Variants in COL13A1 observed in about 807,000 individuals in gnomAD.
The protein encoded by COL13A1 is collagen type XIII alpha 1 chain.
COL13A1 carries 89 observed loss-of-function variants against 130.9 expected under a neutral mutation model. That is an observed-to-expected ratio of 0.68 (90% CI 0.57 to 0.81). COL13A1 has a LOEUF of 0.81. Ranked by LOEUF, COL13A1 falls within the 30% of genes least tolerant of loss-of-function variation. COL13A1 has a pLI of 0.00. For synonymous variants in COL13A1, 402 were observed against 341.6 expected (o/e 1.18, Z -1.95); for missense variants, 879 against 934.6 (o/e 0.94, Z 0.78).
At chr10:69,835,864 C>T (rs768992720) in intron 2 of COL13A1, among the ~76,000 whole-genome samples, 5 of 152,222 alleles carry the variant, frequency 3.3e-5, no homozygotes, top group Non-Finnish European at 7.3e-5. Context: ...GCTTACTCTG[C>T]GCCTGGCACT....
chr10:69,823,980 T>A (rs1023014997), intron 2 of COL13A1: 2 of 417,534 alleles, frequency 4.8e-6, no homozygotes, highest in African/African-American at 4.1e-5. Flanking sequence ...GTTGCCCTTA[T>A]AACTCTTGGG....
At chr10:69,840,295 C>G (rs191616228) in intron 2 of COL13A1, among the ~76,000 whole-genome samples, 1 of 152,066 alleles carries the variant, frequency 6.6e-6, no homozygotes, top group Non-Finnish European at 1.5e-5. Context: ...GGACAGACAG[C>G]GGCATCGAAG....
At chr10:69,863,139 G>A (rs545919758) in intron 2 of COL13A1, among the ~76,000 whole-genome samples, 3 of 152,268 alleles carry the variant, frequency 2.0e-5, no homozygotes, top group Admixed American at 6.5e-5. Context: ...CGATTCACAC[G>A]TGGACTAGAT....
chr10:69,933,159 A>C (rs919666172), intron 31 of COL13A1, among the ~76,000 whole-genome samples: 15 of 148,130 alleles, frequency 1.0e-4, no homozygotes, highest in African/African-American at 3.1e-4. Context: ...AAAAAAAAAA[A>C]AAAAAAAACA....
intron 2 of COL13A1, among the ~76,000 whole-genome samples, chr10:69,849,943 G>A (rs577098191): frequency 6.8e-4 from 103 of 152,234 alleles, no homozygotes; most frequent in African/African-American, 2.3e-3. Flanking sequence ...GGTCATCCTG[G>A]GCTCCTCTTA....
chr10:69,916,644 C>T (rs3793830), intron 17 of COL13A1, among the ~76,000 whole-genome samples: 69,189 of 151,906 alleles, frequency 0.46, 16,067 homozygotes, highest in Admixed American at 0.58. Context: ...GATGGTAGAG[C>T]GACCCCATGC....
chr10:69,885,054 T>G (rs2060479425), intron 7 of COL13A1, among the ~76,000 whole-genome samples: 1 of 152,186 alleles, frequency 6.6e-6, no homozygotes, highest in African/African-American at 2.4e-5. Flanking sequence ...TGGAATAAAT[T>G]CCAACGAGCG....
chr10:69,904,701 G>A (rs376045026), intron 15 of COL13A1, among the ~76,000 whole-genome samples: 92 of 152,254 alleles, frequency 6.0e-4, no homozygotes, highest in African/African-American at 2.0e-3. Context: ...AATTGCCCGC[G>A]GCCCCCACAT....
intron 2 of COL13A1, chr10:69,824,080 T>G (rs1466951294): frequency 2.1e-6 from 1 of 472,022 alleles, no homozygotes; most frequent in Non-Finnish European, 4.4e-6. Flanking sequence ...GAATTCCATC[T>G]CCAACATGGA....
At chr10:69,875,716 G>A (rs997918286) in intron 5 of COL13A1, among the ~76,000 whole-genome samples, 4 of 152,252 alleles carry the variant, frequency 2.6e-5, no homozygotes, top group Non-Finnish European at 5.9e-5. Context: ...GATAGAGAAG[G>A]GGAGATGAGA....
chr10:69,810,376 G>GAGAGAGAGAGAGAGAGAGAGACAGAGAC (rs1230051691), intron 1 of COL13A1, among the ~76,000 whole-genome samples: 6 of 133,910 alleles, frequency 4.5e-5, no homozygotes, highest in East Asian at 2.3e-4. Flanking sequence ...GAGAGAGAGA[G>GAGAGAGAGAGAGAGAGAGAGACAGAGAC]AGAGACAGAG....
intron 2 of COL13A1, 64 bp downstream of exon 2, chr10:69,822,502 G>T: frequency 1.5e-6 from 2 of 1,295,888 alleles, no homozygotes; most frequent in Non-Finnish European, 2.1e-6. Flanking sequence ...GGCTCTTCCT[G>T]GTGGCCATGC....
Position 69,905,793 on chromosome 10 carries a change from C to T in COL13A1, c.892C>T (p.Pro298Ser). The change falls in exon 17 of 41, where the codon CCA (proline) becomes TCA (serine). Residue 298 changes from proline to serine, a missense_variant. Physicochemically the swap from Pro to Ser is moderately conservative, Grantham distance 74. Coordinates refer to ENST00000645393, the MANE Select transcript of COL13A1 (RefSeq NM_001368882.1). ...CTTCTCTTTGTTTTCCCAGGGAGAC[C>T]CAGGGATCCAGGGCTACCACGGCCG... ...LPGPPGPKGDPGIQGYHGRKG... is the reference protein window; with the variant it reads ...LPGPPGPKGDSGIQGYHGRKG... 9.9e-6 allele frequency: 16 copies of T among 1,613,550 alleles called. No individual in the cohort carries two copies. The highest frequency in any genetic ancestry group is 1.4e-5 in the Non-Finnish European group (16 of 1,179,774).
intron 2 of COL13A1, among the ~76,000 whole-genome samples, chr10:69,854,160 C>G (rs1423573726): frequency 6.6e-6 from 1 of 152,184 alleles, no homozygotes; most frequent in Non-Finnish European, 1.5e-5. Flanking sequence ...GCCCGGGCCT[C>G]AATCTTCAGC....
chr10:69,895,141 G>A lies in COL13A1; in HGVS notation c.658-409G>A, dbSNP rs75206266. On this transcript the variant is annotated intron_variant, in intron 12 of 40. Coordinates refer to ENST00000645393, the MANE Select transcript of COL13A1 (RefSeq NM_001368882.1). ...TGGGCCGCTGGTACAGGGGCCTGGCGCTCCCAGCTCAGAGAAGGTGGCTTG... is the reference window on the plus strand; with the variant it reads ...TGGGCCGCTGGTACAGGGGCCTGGCACTCCCAGCTCAGAGAAGGTGGCTTG... Among the ~76,000 whole-genome samples, 684 of 152,324 alleles carry A rather than the reference G, an allele frequency of 4.5e-3. 7 individuals are homozygous for A. The highest frequency in any genetic ancestry group is 0.015 in the African/African-American group (641 of 41,582).
chr10:69,895,253 A>G (rs1256937035), intron 12 of COL13A1, among the ~76,000 whole-genome samples: 3 of 152,156 alleles, frequency 2.0e-5, no homozygotes, highest in African/African-American at 7.2e-5. Flanking sequence ...ACCTTTCGCC[A>G]GGCATGGGGC....
chr10:69,922,816 T>G, intron 23 of COL13A1, 22 bp downstream of exon 23: 2 of 1,523,778 alleles, frequency 1.3e-6, no homozygotes, highest in Non-Finnish European at 1.8e-6. Flanking sequence ...CTGGAATTGG[T>G]GTTGGGGAGG....
intron 1 of COL13A1, among the ~76,000 whole-genome samples, chr10:69,813,524 C>T (rs1188884843): frequency 6.6e-6 from 1 of 152,088 alleles, no homozygotes; most frequent in Non-Finnish European, 1.5e-5. Context: ...CTGGAGGACC[C>T]GCAGGCCCCT....
intron 1 of COL13A1, among the ~76,000 whole-genome samples, chr10:69,802,997 G>T (rs1254792268): frequency 6.6e-6 from 1 of 152,220 alleles, no homozygotes; most frequent in Non-Finnish European, 1.5e-5. Flanking sequence ...GTGGAGGAAG[G>T]CTGGGCGCGC....
Sources: gnomAD v4.1 joint callset for allele counts (sites outside exome capture counted in the v4.1 genomes callset) on GRCh38, gnomAD v4.1.1 for gene constraint, MANE v1.5 for transcripts, NCBI Gene and HGNC (gene_info 2026-07-23, HGNC 2026-07-21) for gene names.